Variants in C16orf46 observed in about 807,000 individuals in gnomAD.
C16orf46 encodes chromosome 16 open reading frame 46, also known as uncharacterized protein C16orf46.
A neutral mutation model predicts 5.5 loss-of-function variants in C16orf46; 7 were observed. That is an observed-to-expected ratio of 1.28 (90% confidence interval 0.73 to 2.40). C16orf46 has a LOEUF of 2.40. Among genes scored for constraint, C16orf46 ranks in the 30% most tolerant of loss-of-function variants. C16orf46 has a pLI of 0.00. For missense variants in C16orf46, 614 were observed against 476.0 expected (o/e 1.29, Z -2.70); for synonymous variants, 200 against 184.1 (o/e 1.09, Z -0.70).
chr16:81,061,555 CT>C lies in C16orf46; in HGVS notation c.793del (p.Arg265GlufsTer27), dbSNP rs1336054942. On this transcript the variant is annotated frameshift_variant, in exon 4 of 4. Transcript: ENST00000299578. LOFTEE classifies it low-confidence loss of function (END_TRUNC). ...AGGGTGTTTGGCCAGCTCACTGGCT[CT>C]TTTTTCACCTTTCCCATCTGCTGTT... ...LKTADGKGEK[R>X]ASELAKHPMV... is the part of the protein sequence containing the mutation. The C allele has an allele frequency of 1.2e-6, 2 of 1,614,160 alleles. No homozygotes were observed. Among genetic ancestry groups the C allele is most frequent in the East Asian group, 4.5e-5 (2 of 44,876 alleles).
chr16:81,062,368 C>G (rs547136317), intron 3 of C16orf46, among the ~76,000 whole-genome samples: 15 of 152,152 alleles, frequency 9.9e-5, no homozygotes, highest in African/African-American at 3.6e-4. Context: ...ACTTTCACCG[C>G]TATAAAGCAA....
At chr16:81,070,029 G>A (rs797001124) in intron 1 of C16orf46, 1 of 152,202 alleles carries the variant, frequency 6.6e-6, no homozygotes, top group South Asian at 2.1e-4. Context: ...AGGAGACTGA[G>A]GCAGAGAACT....
chr16:81,061,624 T>C lies in C16orf46; in HGVS notation c.725A>G (p.Asp242Gly), dbSNP rs1318593171. ...AGCCACACACCCATCCTTTTCCACA[T>C]CCAGCACCTTCTCTTCTGACTGCAA... is the stretch of plus-strand genomic sequence containing the variant. ...SFLQSEEKVL[D>G]VEKDGCVAYA... Residue 242 changes from aspartate to glycine, a missense_variant, in exon 4 of 4, where the codon GAT (aspartate) becomes GGT (glycine). Transcript: ENST00000299578. The C allele has an allele frequency of 1.2e-6, 2 of 1,614,192 alleles. No homozygotes were observed. Among genetic ancestry groups the C allele is most frequent in the South Asian group, 1.1e-5 (1 of 91,082 alleles).
intron 1 of C16orf46, among the ~76,000 whole-genome samples, chr16:81,072,895 GT>G (rs759651932): frequency 1.3e-5 from 2 of 151,996 alleles, no homozygotes; most frequent in Non-Finnish European, 2.9e-5. Flanking sequence ...TAGAAACAGG[GT>G]TTTGGCATGT....
downstream of C16orf46, among the ~76,000 whole-genome samples, chr16:81,056,900 T>C (rs56378007): frequency 0.036 from 5,437 of 152,130 alleles, 327 homozygotes; most frequent in African/African-American, 0.12. Context: ...TAAGTAAAGC[T>C]GTCAGAGAAG....
intron 1 of C16orf46, among the ~76,000 whole-genome samples, chr16:81,067,255 A>C (rs804896): frequency 0.7 from 106,943 of 152,104 alleles, 38,204 homozygotes; most frequent in South Asian, 0.84. Flanking sequence ...AAAGTGGTTT[A>C]TTTTCTTTTA....
downstream of C16orf46, chr16:81,058,060 A>C (rs77576827): frequency 3.7e-3 from 638 of 171,382 alleles, 11 homozygotes; most frequent in South Asian, 0.029. Context: ...AAAACAAAAC[A>C]AAACCTGAAA....
intron 1 of C16orf46, among the ~76,000 whole-genome samples, chr16:81,072,942 A>T (rs1244774600): frequency 6.6e-6 from 1 of 152,134 alleles, no homozygotes; most frequent in Non-Finnish European, 1.5e-5. Flanking sequence ...ATGTCAAGTG[A>T]TCCGTCCGCC....
intron 3 of C16orf46, among the ~76,000 whole-genome samples, chr16:81,055,673 A>T (rs1408161065): frequency 6.6e-6 from 1 of 152,158 alleles, no homozygotes; most frequent in Admixed American, 6.5e-5. Context: ...CAGCCTGGGT[A>T]ACAGGTGAAA....
At chr16:81,074,559 A>G (rs1390126104) in intron 1 of C16orf46, among the ~76,000 whole-genome samples, 2 of 151,760 alleles carry the variant, frequency 1.3e-5, no homozygotes, top group African/African-American at 4.8e-5. Context: ...TAATTTTTGT[A>G]TTTTTAGTAG....
rs868170751 is a variant in C16orf46, at chr16:81,061,532, G to A, written c.817C>T (p.Pro273Ser). The A allele has an allele frequency of 1.2e-6, 2 of 1,614,160 alleles. No individual in the cohort carries two copies. The highest frequency in any genetic ancestry group is 1.7e-5 in the Admixed American group (1 of 60,022). ...GAGGATGGCGTGTCGTTGACCATAG[G>A]GTGTTTGGCCAGCTCACTGGCTCTT... ...EKRASELAKHPMVNDTPSSPS... is the reference protein window; with the variant it reads ...EKRASELAKHSMVNDTPSSPS... Residue 273 changes from proline to serine, a missense_variant, in exon 4 of 4, where the codon CCT (proline) becomes TCT (serine). Coordinates refer to ENST00000299578, the MANE Select transcript of C16orf46 (RefSeq NM_152337.3).
intron 1 of C16orf46, among the ~76,000 whole-genome samples, chr16:81,070,404 G>T (rs1363166331): frequency 6.6e-6 from 1 of 152,164 alleles, no homozygotes; most frequent in Non-Finnish European, 1.5e-5. Context: ...TTACCATAAA[G>T]CTACAGTAAT....
intron 1 of C16orf46, among the ~76,000 whole-genome samples, chr16:81,071,511 T>C (rs183950078): frequency 1.0e-3 from 154 of 151,682 alleles, no homozygotes; most frequent in African/African-American, 3.6e-3. Flanking sequence ...CTTTGGGAGG[T>C]TGAGGCAGGA....
chr16:81,056,164 A>G (rs2151745715), downstream of C16orf46: 1 of 152,348 alleles, frequency 6.6e-6, no homozygotes, highest in Non-Finnish European at 1.5e-5. Context: ...CTGCCTTTTC[A>G]TATTTACGCC....
chr16:81,074,016 G>GC (rs1427269729), intron 1 of C16orf46, among the ~76,000 whole-genome samples: 2 of 152,220 alleles, frequency 1.3e-5, no homozygotes, highest in African/African-American at 4.8e-5. Context: ...TTCAACGACT[G>GC]AGTGCTCGTA....
At chr16:81,067,538 T>C (rs1384656882) in intron 1 of C16orf46, among the ~76,000 whole-genome samples, 1 of 152,092 alleles carries the variant, frequency 6.6e-6, no homozygotes, top group African/African-American at 2.4e-5. Context: ...ATAAATGTTG[T>C]TTTTTGTTTG....
At chr16:81,076,396 G>A (rs909723315) in intron 1 of C16orf46, 18 of 152,116 alleles carry the variant, frequency 1.2e-4, no homozygotes, top group African/African-American at 4.3e-4. Context: ...TTAATTATAT[G>A]TGCCTTCTGC....
downstream of C16orf46, among the ~76,000 whole-genome samples, chr16:81,057,129 A>G (rs1031996427): frequency 8.5e-5 from 13 of 152,332 alleles, no homozygotes; most frequent in South Asian, 2.1e-4. Context: ...TCCAGCCCCA[A>G]ATAGTGCCCA....
At position 81,063,848 on chromosome 16, in the gene C16orf46, A is replaced by T; in HGVS notation, c.108T>A (p.Ser36Arg). The change falls in exon 3 of 4, where the codon AGT becomes AGA. Residue 36 changes from serine (S) to arginine (R), a missense_variant. Physicochemically the swap from Ser to Arg is moderately radical, Grantham distance 110. Coordinates refer to ENST00000299578, the MANE Select transcript of C16orf46 (RefSeq NM_152337.3). Reference sequence around the variant, plus strand: ...GAAGACAATAAACATGATTTTTTTCACTTTTTCCATCTGGACAAGTATAGG... The same window carrying T: ...GAAGACAATAAACATGATTTTTTTCTCTTTTTCCATCTGGACAAGTATAGG... Reference protein sequence around the residue: ...EPTYTCPDGKSEKNHVYCLLD... With the variant: ...EPTYTCPDGKREKNHVYCLLD... 6.2e-7 allele frequency: 1 copy of T among 1,613,788 alleles called. No individual in the cohort carries two copies. The highest frequency in any genetic ancestry group is 8.5e-7 in the Non-Finnish European group (1 of 1,179,866).
Sources: gnomAD v4.1 joint callset for allele counts (sites outside exome capture counted in the v4.1 genomes callset) on GRCh38, gnomAD v4.1.1 for gene constraint, MANE v1.5 for transcripts, NCBI Gene and HGNC (gene_info 2026-07-23, HGNC 2026-07-21) for gene names.